The following ADAMTS6 variants were observed in gnomAD, a reference collection of about 807,000 sequenced individuals.
The protein encoded by ADAMTS6 is A disintegrin and metalloproteinase with thrombospondin motifs 6.
In ADAMTS6, 23 loss-of-function variants were observed where a neutral mutation model predicts 144.3. The ratio of observed to expected loss-of-function variants is 0.16; its 90% CI spans 0.11 to 0.23. ADAMTS6 has a LOEUF of 0.23. Among genes scored for constraint, ADAMTS6 ranks in the 10% least tolerant of loss-of-function variants. The pLI is 1.00. For missense variants in ADAMTS6, 999 were observed against 1,379.6 expected, an observed-to-expected ratio of 0.72 and a Z score of 4.37; for synonymous variants, 444 against 457.5, an observed-to-expected ratio of 0.97 and a Z score of 0.38.
At chr5:65,436,234 G>A (rs1757391209) in intron 7 of ADAMTS6, among the ~76,000 whole-genome samples, 1 of 151,446 alleles carries the variant, frequency 6.6e-6, no homozygotes, top group Admixed American at 6.6e-5. Context: ...ACACACACAC[G>A]CATGCACACA....
rs1256692447 is a variant in ADAMTS6 at position 65,214,697 on chromosome 5, T to C, written c.2575+97A>G. 6.3e-7 allele frequency: 1 copy of C among 1,575,408 alleles called. No individual in the cohort carries two copies. Among genetic ancestry groups the C allele is most frequent in the Admixed American group, 1.7e-5 (1 of 59,514 alleles). ...GCTTGAAGCAAACCTGCAAGAAATG[T>C]TTCCAATTAGCTTTTTTAACAAACA... On this transcript the variant is annotated intron_variant, in intron 20 of 24. Coordinates refer to ENST00000381055, the MANE Select transcript of ADAMTS6 (RefSeq NM_197941.4). This position sits in a 1 kb window ranked among gnomAD's most constrained non-coding sequence, Gnocchi z 4.6.
chr5:65,236,359 C>G (rs1354724337), intron 15 of ADAMTS6, among the ~76,000 whole-genome samples: 1 of 152,160 alleles, frequency 6.6e-6, no homozygotes, highest in African/African-American at 2.4e-5. Context: ...GTGATCATAG[C>G]TCACTGTAGC....
intron 7 of ADAMTS6, among the ~76,000 whole-genome samples, chr5:65,336,617 T>C (rs1747333552): frequency 6.6e-6 from 1 of 152,038 alleles, no homozygotes; most frequent in Non-Finnish European, 1.5e-5. Context: ...CATATACAAA[T>C]TGAGGGCACT....
At position 65,188,139 on chromosome 5, in the gene ADAMTS6, C is replaced by T; in HGVS notation, c.2787G>A (p.Lys929=). Residue 929 remains lysine (K), a synonymous_variant, in exon 22 of 25, where the codon AAG becomes AAA. Transcript: ENST00000381055. ...GCGTCTCCTCCTCAGAAGGTCCGAT[C>T]TTCCTGATGCAGAGCACTGCCCTTG... is the stretch of plus-strand genomic sequence containing the variant. ...MRTRAVLCIR[K]IGPSEEETLD... The T allele has an allele frequency of 6.2e-7, 1 of 1,614,190 alleles. No homozygotes were observed. Among genetic ancestry groups the T allele is most frequent in the South Asian group, 1.1e-5 (1 of 91,084 alleles).
chr5:65,172,928 A>C lies in ADAMTS6; in HGVS notation c.2991T>G (p.Ala997=), dbSNP rs1488428934. The C allele has an allele frequency of 3.7e-6, 6 of 1,614,246 alleles. No homozygotes were observed. Among genetic ancestry groups the C allele is most frequent in the Non-Finnish European group, 5.1e-6 (6 of 1,180,048 alleles). ...GTTTGCTTTCCTCTGGACATTGTGC[A>C]GCTGGGAATGTCTTAGAAAGGTCAC... The part of the protein sequence containing the change: ...KSSDLSKTFP[A]AQCPEESKPP... The change falls in exon 23 of 25, where the codon GCT becomes GCG. Residue 997 remains alanine, a synonymous_variant. Coordinates refer to ENST00000381055, the MANE Select transcript of ADAMTS6 (RefSeq NM_197941.4).
chr5:65,263,658 C>G (rs1191548686), intron 12 of ADAMTS6, among the ~76,000 whole-genome samples: 3 of 152,134 alleles, frequency 2.0e-5, no homozygotes, highest in Admixed American at 2.0e-4. Flanking sequence ...AGTAGAAAGC[C>G]AGGAATAATT....
intron 7 of ADAMTS6, among the ~76,000 whole-genome samples, chr5:65,359,465 T>C (rs1016221410): frequency 6.6e-6 from 1 of 152,094 alleles, no homozygotes; most frequent in Non-Finnish European, 1.5e-5. Flanking sequence ...AGTGAGAATA[T>C]AAATTAGTAT....
chr5:65,336,304 C>T (rs1747303354), intron 7 of ADAMTS6, among the ~76,000 whole-genome samples: 1 of 152,074 alleles, frequency 6.6e-6, no homozygotes, highest in African/African-American at 2.4e-5. Flanking sequence ...ATGCCTGTCT[C>T]TGATGATAAA....
chr5:65,452,124 C>A lies in ADAMTS6; in HGVS notation c.927+9G>T, dbSNP rs761901176. The A allele has an allele frequency of 1.9e-6, 3 of 1,601,754 alleles. No homozygotes were observed. The highest frequency in any genetic ancestry group is 4.5e-5 in the East Asian group (2 of 44,748). The stretch of plus-strand genomic sequence containing the variant: ...ACAATCTTAGATATATAAACTAACT[C>A]ATTCTTACCTGATCTTCTGTGAGAA... On this transcript the variant is annotated intron_variant, in intron 6 of 24. Transcript: ENST00000381055.
At chr5:65,402,178 A>G (rs1753971784) in intron 7 of ADAMTS6, among the ~76,000 whole-genome samples, 1 of 151,758 alleles carries the variant, frequency 6.6e-6, no homozygotes, top group Admixed American at 6.6e-5. Flanking sequence ...TTCTCTCTTT[A>G]CCTGGCTTAC....
intron 3 of ADAMTS6, 28 bp from the exon 4 acceptor site, chr5:65,460,366 C>A: frequency 1.3e-6 from 2 of 1,547,060 alleles, no homozygotes; most frequent in Non-Finnish European, 1.7e-6. Flanking sequence ...AAAGAACTTA[C>A]CAAAGAGAAT....
chr5:65,185,917 A>G (rs537487705), intron 22 of ADAMTS6, among the ~76,000 whole-genome samples: 11 of 152,236 alleles, frequency 7.2e-5, no homozygotes, highest in South Asian at 6.2e-4. Flanking sequence ...ATCAGTGTGA[A>G]ATGAGGCTTA....
At position 65,151,708 on chromosome 5, in the gene ADAMTS6, C is replaced by G; in HGVS notation, c.*128G>C. The G allele has an allele frequency of 2.7e-6, 2 of 749,144 alleles. No individual in the cohort carries two copies. The highest frequency in any genetic ancestry group is 4.9e-5 in the Admixed American group (2 of 41,066). 46.4% of individuals were successfully genotyped at this position (749,144 alleles called of 1,614,324 possible). A position where few individuals can be genotyped will look rare whatever the true frequency, so the allele number is the denominator to read the frequency against. ...TTGAAATTTTGTCAGCTAGGGCTGA[C>G]CAGTGGTTACGTTTTCCACAGGGTA... On this transcript the variant is annotated 3_prime_UTR_variant, in exon 25 of 25. Transcript: ENST00000381055.
chr5:65,273,555 C>T, intron 11 of ADAMTS6, 108 bp from the exon 12 acceptor site: 1 of 816,644 alleles, frequency 1.2e-6, no homozygotes, highest in Non-Finnish European at 1.9e-6. Context: ...CCCTGGGTAC[C>T]TTTTGCTGCT....
intron 7 of ADAMTS6, among the ~76,000 whole-genome samples, chr5:65,379,655 C>T (rs1193644978): frequency 1.3e-5 from 2 of 151,956 alleles, no homozygotes; most frequent in Non-Finnish European, 2.9e-5. Context: ...AAAACAGTGA[C>T]CCCGCTTTCT....
chr5:65,160,225 TCTGA>T (rs915209950), intron 24 of ADAMTS6, among the ~76,000 whole-genome samples: 6 of 152,176 alleles, frequency 3.9e-5, no homozygotes, highest in African/African-American at 1.4e-4. Context: ...GTCATGGGAA[TCTGA>T]CTGTGCTGGA....
chr5:65,224,897 G>C (rs781056817), intron 17 of ADAMTS6, 27 bp downstream of exon 17: 1 of 1,595,378 alleles, frequency 6.3e-7, no homozygotes, highest in South Asian at 1.1e-5. Context: ...CCAGAGGTGT[G>C]AGGAAGAGTT....
chr5:65,200,230 C>CTTTAT (rs1755644823), intron 20 of ADAMTS6, among the ~76,000 whole-genome samples: 2 of 152,168 alleles, frequency 1.3e-5, no homozygotes, highest in South Asian at 4.1e-4. Context: ...TCAGTAGCAA[C>CTTTAT]AGGATAACTC....
intron 14 of ADAMTS6, among the ~76,000 whole-genome samples, chr5:65,255,811 C>G (rs936589575): frequency 1.4e-4 from 22 of 151,786 alleles, no homozygotes; most frequent in African/African-American, 4.8e-4. Flanking sequence ...TCTATCATGA[C>G]CAAAAATGGA....
Sources: gnomAD v4.1 joint callset for allele counts (sites outside exome capture counted in the v4.1 genomes callset) on GRCh38, gnomAD v4.1.1 for gene constraint, Gnocchi (gnomAD v3.1) non-coding constraint, MANE v1.5 for transcripts, NCBI Gene and HGNC (gene_info 2026-07-23, HGNC 2026-07-21) for gene names.